The following CNTNAP5 variants were observed in gnomAD, a reference collection of about 807,000 sequenced individuals.
CNTNAP5 encodes contactin-associated protein-like 5.
In CNTNAP5, 72 loss-of-function variants were observed where a neutral mutation model predicts 150.2. That is an observed-to-expected ratio of 0.48 (90% CI 0.40 to 0.58). The LOEUF is 0.58. CNTNAP5 is among the 20% of genes least tolerant of loss of function. CNTNAP5 has a pLI of 0.00. For synonymous variants in CNTNAP5, 672 were observed against 619.8 expected, an observed-to-expected ratio of 1.08 and a Z score of -1.25; for missense variants, 1,636 against 1,626.2, an observed-to-expected ratio of 1.01 and a Z score of -0.10.
intron 1 of CNTNAP5, among the ~76,000 whole-genome samples, chr2:124,119,426 G>T (rs749495609): frequency 3.3e-5 from 5 of 149,826 alleles, no homozygotes; most frequent in Non-Finnish European, 7.4e-5. Flanking sequence ...TAATTACTAG[G>T]CACTTAGTAT....
chr2:124,243,187 T>A (rs934226337), intron 3 of CNTNAP5, among the ~76,000 whole-genome samples: 23 of 152,184 alleles, frequency 1.5e-4, no homozygotes, highest in Non-Finnish European at 3.2e-4. Context: ...AGTTGTAAGT[T>A]TATATTATTT....
chr2:124,894,851 C>G (rs1239202626), intron 21 of CNTNAP5, among the ~76,000 whole-genome samples: 5 of 151,344 alleles, frequency 3.3e-5, no homozygotes, highest in African/African-American at 1.2e-4. Context: ...CAGCACCTAG[C>G]CTTCAAGTCC....
chr2:124,270,982 G>A (rs1028073092), intron 3 of CNTNAP5, among the ~76,000 whole-genome samples: 2 of 152,088 alleles, frequency 1.3e-5, no homozygotes, highest in African/African-American at 4.8e-5. Context: ...GCAAGGAATA[G>A]GATTTTTTTA....
chr2:124,874,102 A>G (rs1214250467), intron 21 of CNTNAP5, among the ~76,000 whole-genome samples: 1 of 152,018 alleles, frequency 6.6e-6, no homozygotes, highest in Non-Finnish European at 1.5e-5. Flanking sequence ...AGCAGATTTA[A>G]TTGTGTACAT....
At chr2:124,280,505 C>T (rs892294418) in intron 3 of CNTNAP5, among the ~76,000 whole-genome samples, 1 of 152,014 alleles carries the variant, frequency 6.6e-6, no homozygotes, top group African/African-American at 2.4e-5. Context: ...GTTTTCTACA[C>T]CACCAGTGGC....
At chr2:124,176,703 A>G (rs1685072381) in intron 1 of CNTNAP5, among the ~76,000 whole-genome samples, 1 of 152,000 alleles carries the variant, frequency 6.6e-6, no homozygotes, top group Non-Finnish European at 1.5e-5. Context: ...AAAACAGACA[A>G]GCATTGTCTG....
intron 1 of CNTNAP5, among the ~76,000 whole-genome samples, chr2:124,147,057 A>C (rs1356680012): frequency 6.6e-6 from 1 of 152,208 alleles, no homozygotes; most frequent in Non-Finnish European, 1.5e-5. Flanking sequence ...TGCTTTCTCG[A>C]AGTAATCCAA....
At chr2:124,216,350 T>C (rs1004672314) in intron 1 of CNTNAP5, among the ~76,000 whole-genome samples, 5 of 152,180 alleles carry the variant, frequency 3.3e-5, no homozygotes, top group African/African-American at 1.2e-4. Flanking sequence ...TAGACTTTTA[T>C]TGCATCAGAG....
At chr2:124,359,544 G>T (rs1418678085) in intron 3 of CNTNAP5, among the ~76,000 whole-genome samples, 1 of 147,892 alleles carries the variant, frequency 6.8e-6, no homozygotes, top group African/African-American at 2.5e-5. Flanking sequence ...CTTTATTTCT[G>T]CCTTCATTTC....
chr2:124,860,323 C>A (rs2104714181), intron 19 of CNTNAP5, among the ~76,000 whole-genome samples: 1 of 151,968 alleles, frequency 6.6e-6, no homozygotes, highest in South Asian at 2.1e-4. Flanking sequence ...GCACTCCAGT[C>A]TGGGCGACAG....
chr2:124,858,358 C>T (rs1046114857), intron 19 of CNTNAP5, among the ~76,000 whole-genome samples: 2 of 152,222 alleles, frequency 1.3e-5, no homozygotes, highest in African/African-American at 4.8e-5. Flanking sequence ...TCAGCAAAGT[C>T]TCAGGATACA....
At chr2:124,825,971 C>G (rs988579716) in intron 19 of CNTNAP5, among the ~76,000 whole-genome samples, 3 of 152,026 alleles carry the variant, frequency 2.0e-5, no homozygotes, top group Non-Finnish European at 4.4e-5. Context: ...TTTTGGCTTA[C>G]TTAATAAAAG....
At chr2:124,707,140 GGAAGAAGAAGAA>G (rs76714465) in intron 13 of CNTNAP5, among the ~76,000 whole-genome samples, 4,979 of 86,278 alleles carry the variant, frequency 0.058, 364 homozygotes, top group East Asian at 0.15. Context: ...AAGAAGAAGA[GGAAGAAGAAGAA>G]GAAGAAGAAG....
intron 19 of CNTNAP5, among the ~76,000 whole-genome samples, chr2:124,844,128 A>C (rs2104695759): frequency 6.6e-6 from 1 of 152,146 alleles, no homozygotes; most frequent in African/African-American, 2.4e-5. Flanking sequence ...ATCTTCTAGA[A>C]TCTTTATGGC....
chr2:124,419,960 T>TTCTC (rs1553466666), intron 4 of CNTNAP5, among the ~76,000 whole-genome samples: 2,467 of 16,776 alleles, frequency 0.15, 448 homozygotes, highest in African/African-American at 0.16. Flanking sequence ...TTCTTTCCTT[T>TTCTC]TCTCTCTCTC....
chr2:124,524,208 A>G lies in CNTNAP5; in HGVS notation c.1328-95A>G. ...AGTGAGGAGTGGGTTTGCTCTGAGA[A>G]TGGCATGGACGGCAGCAGGCTGGGA... On this transcript the variant is annotated intron_variant, in intron 8 of 23. Coordinates refer to ENST00000682447, the MANE Select transcript of CNTNAP5 (RefSeq NM_001367498.1). The G allele has an allele frequency of 1.0e-5, 13 of 1,291,262 alleles. No homozygotes were observed. The South Asian group carries it at 1.7e-4, about 17-fold the overall frequency. 80.0% of individuals were successfully genotyped at this position (1,291,262 alleles called of 1,614,324 possible). A position where few individuals can be genotyped will look rare whatever the true frequency, so the allele number is the denominator to read the frequency against.
intron 3 of CNTNAP5, among the ~76,000 whole-genome samples, chr2:124,321,598 G>A (rs756637929): frequency 6.6e-6 from 1 of 152,096 alleles, no homozygotes; most frequent in African/African-American, 2.4e-5. Flanking sequence ...CTGCTCATTA[G>A]AGTAAATTCA....
At chr2:124,706,786 A>AGGAAGAGGAAGG in intron 13 of CNTNAP5, among the ~76,000 whole-genome samples, 1 of 33,162 alleles carries the variant, frequency 3.0e-5, no homozygotes, top group South Asian at 1.3e-3. Flanking sequence ...GAAGAAGAAG[A>AGGAAGAGGAAGG]AGAAGAAGAA....
intron 8 of CNTNAP5, among the ~76,000 whole-genome samples, chr2:124,506,025 T>C (rs754441887): frequency 8.5e-5 from 13 of 152,188 alleles, no homozygotes; most frequent in Non-Finnish European, 1.6e-4. Flanking sequence ...GTAAAGGATA[T>C]GACTTAATAG....
Sources: gnomAD v4.1 joint callset for allele counts (sites outside exome capture counted in the v4.1 genomes callset) on GRCh38, gnomAD v4.1.1 for gene constraint, MANE v1.5 for transcripts, NCBI Gene and HGNC (gene_info 2026-07-23, HGNC 2026-07-21) for gene names.